The following VDAC1 variants were observed in gnomAD, a reference collection of about 807,000 sequenced individuals.
VDAC1 encodes non-selective voltage-gated ion channel VDAC1.
VDAC1 carries 10 observed loss-of-function variants against 34.7 expected under a neutral mutation model. The observed-to-expected ratio is 0.29, with a 90% CI of 0.18 to 0.49. VDAC1 has a LOEUF of 0.49. Among genes scored for constraint, VDAC1 ranks in the 20% least tolerant of loss-of-function variants. The pLI, the probability that VDAC1 is intolerant of heterozygous loss-of-function variation, is 0.99. For synonymous variants in VDAC1, 130 were observed against 136.0 expected (o/e 0.96, Z 0.30); for missense variants, 230 against 347.9 (o/e 0.66, Z 2.69).
chr5:134,016,536 G>A, the VDAC1 span, among the ~76,000 whole-genome samples: 7 of 152,144 alleles, frequency 4.6e-5, no homozygotes, highest in East Asian at 3.9e-4. Context: ...TCCTCGAGCC[G>A]AAAATGGAGC....
At chr5:134,017,879 C>G in the VDAC1 span, among the ~76,000 whole-genome samples, 1 of 152,200 alleles carries the variant, frequency 6.6e-6, no homozygotes, top group Non-Finnish European at 1.5e-5. Flanking sequence ...TGCCACTGCA[C>G]TCCAGCCTGG....
At chr5:134,067,975 G>T in the VDAC1 span, among the ~76,000 whole-genome samples, 1 of 152,030 alleles carries the variant, frequency 6.6e-6, no homozygotes, top group Admixed American at 6.6e-5. Context: ...AAAATTAGCC[G>T]GTCATGGTGG....
the VDAC1 span, among the ~76,000 whole-genome samples, chr5:134,114,348 G>A: frequency 6.6e-6 from 1 of 152,160 alleles, no homozygotes; most frequent in East Asian, 1.9e-4. Flanking sequence ...CACCACGGCT[G>A]CGATGGTAAG....
chr5:134,106,318 A>G, the VDAC1 span, among the ~76,000 whole-genome samples: 103,060 of 152,076 alleles, frequency 0.68, 35,872 homozygotes, highest in Non-Finnish European at 0.78. Context: ...GTGTATATTT[A>G]ACAAACACAG....
At chr5:133,995,302 C>CTT (rs1753255880) in intron 1 of VDAC1, among the ~76,000 whole-genome samples, 1 of 152,182 alleles carries the variant, frequency 6.6e-6, no homozygotes, top group Non-Finnish European at 1.5e-5. Context: ...ACCAGCAGCA[C>CTT]GCAAGTGAAC....
At chr5:134,032,459 C>T in the VDAC1 span, among the ~76,000 whole-genome samples, 3 of 152,170 alleles carry the variant, frequency 2.0e-5, no homozygotes, top group Non-Finnish European at 4.4e-5. Flanking sequence ...CCTAGGATTT[C>T]ACTCTGAAGA....
At position 133,972,568 on chromosome 5, in the gene VDAC1, C is replaced by G. The variant is rs1244617144; in HGVS notation, c.*203G>C. On this transcript the variant is annotated 3_prime_UTR_variant, in exon 9 of 9. Coordinates refer to ENST00000265333, the MANE Select transcript of VDAC1 (RefSeq NM_003374.3). ...GCCACCAAGTTCTCCCCGAGTCTAC[C>G]ACTGAAAGGACCTTTTTTGGAAATA... The G allele has an allele frequency of 1.8e-5, 9 of 488,524 alleles. No homozygotes were observed. The Admixed American group carries it at 3.1e-4, about 17-fold the overall frequency. 30.3% of individuals were successfully genotyped at this position (488,524 alleles called of 1,614,324 possible).
At chr5:134,025,377 G>T in the VDAC1 span, among the ~76,000 whole-genome samples, 1 of 152,148 alleles carries the variant, frequency 6.6e-6, no homozygotes, top group Non-Finnish European at 1.5e-5. Flanking sequence ...ACCCCCATGA[G>T]TCAAACACCT....
chr5:134,004,258 C>T (rs1337481000), intron 1 of VDAC1, among the ~76,000 whole-genome samples: 1 of 151,990 alleles, frequency 6.6e-6, no homozygotes, highest in Non-Finnish European at 1.5e-5. Context: ...CGAACGGGTC[C>T]CCGCCGGATG....
Position 134,000,589 on chromosome 5 carries a change from A to G in VDAC1, c.-7+4306T>C, listed in dbSNP as rs1373643695. On this transcript the variant is annotated intron_variant, in intron 1 of 8. Coordinates refer to ENST00000265333, the MANE Select transcript of VDAC1 (RefSeq NM_003374.3). ...TGAGACAGACAGTGCTTGGGCAGGA[A>G]GCCTCGGGAATCAAATAGACCTGAG... Among the ~76,000 whole-genome samples, 7 of 152,140 alleles carry G rather than the reference A, an allele frequency of 4.6e-5. No individual in the cohort carries two copies. The East Asian group carries it at 1.3e-3, about 29-fold the overall frequency.
the VDAC1 span, among the ~76,000 whole-genome samples, chr5:134,086,398 G>A: frequency 1.3e-5 from 2 of 152,164 alleles, no homozygotes; most frequent in African/African-American, 4.8e-5. Context: ...ACAACCACAG[G>A]AGATGCAGCA....
chr5:133,990,991 G>A lies in VDAC1; in HGVS notation c.270+11C>T. On this transcript the variant is annotated intron_variant, in intron 4 of 8. Transcript: ENST00000265333. ...ATTAATAAATCCACATCTTTTCACA[G>A]CAGCCATTACCTGATCTTCCACAGT... is the stretch of plus-strand genomic sequence containing the variant. 6.2e-7 allele frequency: 1 copy of A among 1,613,448 alleles called. No individual in the cohort carries two copies. Among genetic ancestry groups the A allele is most frequent in the Non-Finnish European group, 8.5e-7 (1 of 1,179,584 alleles).
chr5:134,034,264 A>G, the VDAC1 span, among the ~76,000 whole-genome samples: 3 of 152,198 alleles, frequency 2.0e-5, no homozygotes, highest in African/African-American at 7.2e-5. Context: ...ATTTGAAGCT[A>G]CTTTCTGTGT....
intron 6 of VDAC1, 126 bp from the exon 7 acceptor site, chr5:133,976,147 G>C: frequency 8.3e-7 from 1 of 1,207,832 alleles, no homozygotes; most frequent in Non-Finnish European, 1.2e-6. Flanking sequence ...TGGTATTAAG[G>C]GAAGTCAGAA....
chr5:133,983,037 G>T (rs13436479), intron 5 of VDAC1, among the ~76,000 whole-genome samples: 7,676 of 151,808 alleles, frequency 0.051, 217 homozygotes, highest in East Asian at 0.13. Flanking sequence ...ATCACCTGAG[G>T]TCGGGAGTTC....
chr5:134,065,875 C>T, the VDAC1 span, among the ~76,000 whole-genome samples: 4 of 139,226 alleles, frequency 2.9e-5, no homozygotes, highest in Non-Finnish European at 6.1e-5. Flanking sequence ...CTCACTGCAA[C>T]CTCTGCCTTC....
chr5:134,004,000 C>T (rs1481335332), intron 1 of VDAC1, among the ~76,000 whole-genome samples: 2 of 152,250 alleles, frequency 1.3e-5, no homozygotes, highest in Non-Finnish European at 2.9e-5. Context: ...CCTCCTTTTC[C>T]GAGGCCAAAC....
chr5:134,083,741 A>G, the VDAC1 span, among the ~76,000 whole-genome samples: 3 of 152,232 alleles, frequency 2.0e-5, no homozygotes, highest in Non-Finnish European at 4.4e-5. Flanking sequence ...TGGAGCAGAC[A>G]GGATGCAGTC....
At chr5:134,075,118 C>A in the VDAC1 span, among the ~76,000 whole-genome samples, 1 of 152,200 alleles carries the variant, frequency 6.6e-6, no homozygotes, top group Admixed American at 6.5e-5. Context: ...ATACTACCAT[C>A]GCTGCTACTA....
Sources: allele counts gnomAD v4.1 joint callset (sites outside exome capture counted in the v4.1 genomes callset), GRCh38; gene constraint gnomAD v4.1.1; transcripts MANE v1.5; gene names NCBI Gene and HGNC (gene_info 2026-07-23, HGNC 2026-07-21).